Variants in HPSE2 observed in about 807,000 individuals in gnomAD.
HPSE2 encodes the protein heparanase 2 (inactive).
HPSE2 carries 38 observed loss-of-function variants against 60.5 expected under a neutral mutation model. That is an observed-to-expected ratio of 0.63 (90% CI 0.48 to 0.82). The LOEUF (loss-of-function observed/expected upper bound fraction) is 0.82, where lower values mean the gene tolerates loss of function less well. Ranked by LOEUF, HPSE2 falls within the 40% of genes least tolerant of loss-of-function variation. HPSE2 has a pLI of 0.00. For missense variants in HPSE2, 713 were observed against 740.4 expected (o/e 0.96, Z 0.43); for synonymous variants, 295 against 293.2 (o/e 1.01, Z -0.06).
chr10:98,977,519 T>C (rs969927437), intron 3 of HPSE2, among the ~76,000 whole-genome samples: 4 of 152,122 alleles, frequency 2.6e-5, no homozygotes, highest in Non-Finnish European at 5.9e-5. Flanking sequence ...TTGTAATCAA[T>C]AACAGTGGGA....
At chr10:99,063,937 A>G (rs1054453998) in intron 3 of HPSE2, among the ~76,000 whole-genome samples, 4 of 152,104 alleles carry the variant, frequency 2.6e-5, no homozygotes, top group African/African-American at 9.7e-5. Context: ...TACTAAAAAT[A>G]CAAAAATTAT....
chr10:99,089,487 T>C (rs1843439528), intron 3 of HPSE2, among the ~76,000 whole-genome samples: 1 of 152,170 alleles, frequency 6.6e-6, no homozygotes, highest in African/African-American at 2.4e-5. Flanking sequence ...CCGTTAAGTA[T>C]TTGGCTTTAT....
At chr10:99,297,856 G>C in the HPSE2 span, among the ~76,000 whole-genome samples, 1 of 152,028 alleles carries the variant, frequency 6.6e-6, no homozygotes, top group East Asian at 1.9e-4. Context: ...GATGCTTTGG[G>C]GTATTTGGTG....
At chr10:99,186,931 C>T (rs1018808966) in intron 2 of HPSE2, among the ~76,000 whole-genome samples, 1 of 151,906 alleles carries the variant, frequency 6.6e-6, no homozygotes, top group African/African-American at 2.4e-5. Flanking sequence ...TATAAGCACA[C>T]ACTCCCATGC....
chr10:99,284,560 T>C, the HPSE2 span, among the ~76,000 whole-genome samples: 3 of 152,164 alleles, frequency 2.0e-5, no homozygotes, highest in African/African-American at 7.2e-5. Context: ...ATGGGCAAAT[T>C]CTCATGACTG....
At chr10:98,481,543 G>A (rs559245326) in intron 11 of HPSE2, among the ~76,000 whole-genome samples, 1 of 152,212 alleles carries the variant, frequency 6.6e-6, no homozygotes, top group East Asian at 1.9e-4. Flanking sequence ...AAAAACAGAC[G>A]CAATGTACAT....
chr10:98,600,917 A>ATGTGTGTGTGTG (rs10682909), intron 9 of HPSE2, among the ~76,000 whole-genome samples: 8 of 47,998 alleles, frequency 1.7e-4, no homozygotes, highest in Admixed American at 3.0e-4. Flanking sequence ...GTGTGTATAT[A>ATGTGTGTGTGTG]TATATATATA....
intron 3 of HPSE2, chr10:99,013,073 A>G (rs1957053967): frequency 1.7e-6 from 1 of 578,478 alleles, no homozygotes; most frequent in African/African-American, 1.9e-5. Flanking sequence ...CATTTATACA[A>G]AGTCTATGAG....
At chr10:98,477,511 G>A (rs1247408733) in intron 11 of HPSE2, among the ~76,000 whole-genome samples, 1 of 152,192 alleles carries the variant, frequency 6.6e-6, no homozygotes, top group Admixed American at 6.5e-5. Flanking sequence ...TGTGATGAAA[G>A]TTGCTTCCCT....
the HPSE2 span, among the ~76,000 whole-genome samples, chr10:99,298,115 T>C: frequency 1.3e-5 from 2 of 152,162 alleles, no homozygotes; most frequent in African/African-American, 4.8e-5. Flanking sequence ...TCTTTTTCAG[T>C]GTCTCTGCTA....
intron 3 of HPSE2, among the ~76,000 whole-genome samples, chr10:99,137,227 C>T (rs1845693325): frequency 6.6e-6 from 1 of 152,144 alleles, no homozygotes; most frequent in South Asian, 2.1e-4. Context: ...AACCACTGCT[C>T]AGTGAAATAA....
chr10:98,940,312 T>C (rs1954951715), intron 3 of HPSE2, among the ~76,000 whole-genome samples: 1 of 143,082 alleles, frequency 7.0e-6, no homozygotes, highest in Non-Finnish European at 1.5e-5. Flanking sequence ...TTTGAAAGGA[T>C]CAACAAAATT....
At chr10:99,241,744 G>C in the HPSE2 span, among the ~76,000 whole-genome samples, 1 of 152,172 alleles carries the variant, frequency 6.6e-6, no homozygotes, top group African/African-American at 2.4e-5. Context: ...CTGGGTAACA[G>C]AACGAGACCT....
intron 3 of HPSE2, among the ~76,000 whole-genome samples, chr10:98,934,381 TGTACTTCA>T (rs1441467428): frequency 6.9e-6 from 1 of 144,656 alleles, no homozygotes; most frequent in Non-Finnish European, 1.5e-5. Flanking sequence ...CATTGGTCTG[TGTACTTCA>T]GTGTGTTTTT....
intron 3 of HPSE2, among the ~76,000 whole-genome samples, chr10:98,986,486 C>T (rs1775830907): frequency 6.7e-6 from 1 of 149,288 alleles, no homozygotes; most frequent in Admixed American, 6.7e-5. Context: ...GGGACACATT[C>T]AAAGCAGTGT....
intron 3 of HPSE2, among the ~76,000 whole-genome samples, chr10:99,116,385 T>A (rs1844692378): frequency 6.6e-6 from 1 of 152,180 alleles, no homozygotes; most frequent in Non-Finnish European, 1.5e-5. Flanking sequence ...TTACAGTCTA[T>A]CTTATTATTC....
intron 2 of HPSE2, among the ~76,000 whole-genome samples, chr10:99,217,780 C>T (rs1849181819): frequency 6.6e-6 from 1 of 151,924 alleles, no homozygotes; most frequent in Non-Finnish European, 1.5e-5. Flanking sequence ...GAGACGGGGT[C>T]CCCCTATGTT....
chr10:99,157,647 C>A (rs1846631720), intron 2 of HPSE2, among the ~76,000 whole-genome samples: 1 of 146,504 alleles, frequency 6.8e-6, no homozygotes, highest in Non-Finnish European at 1.5e-5. Context: ...ACCATAAAAA[C>A]CCTAGAAGAA....
chr10:99,281,061 AGAGT>A, the HPSE2 span, among the ~76,000 whole-genome samples: 27 of 152,142 alleles, frequency 1.8e-4, no homozygotes, highest in Non-Finnish European at 3.8e-4. Flanking sequence ...AGAAGGATTA[AGAGT>A]TAGTACGTAT....
Sources: gnomAD v4.1 joint callset for allele counts (sites outside exome capture counted in the v4.1 genomes callset) on GRCh38, gnomAD v4.1.1 for gene constraint, MANE v1.5 for transcripts, NCBI Gene and HGNC (gene_info 2026-07-23, HGNC 2026-07-21) for gene names.